Variants in RIMS2 observed in about 807,000 individuals in gnomAD.
RIMS2 encodes the protein regulating synaptic membrane exocytosis protein 2.
A neutral mutation model predicts 174.4 loss-of-function variants in RIMS2; 59 were observed. The observed-to-expected ratio is 0.34, with a 90% confidence interval of 0.27 to 0.42. The LOEUF is 0.42. Among genes scored for constraint, RIMS2 ranks in the 10% least tolerant of loss-of-function variants. RIMS2 has a pLI of 1.00. For missense variants in RIMS2, 1,620 were observed against 1,666.3 expected (o/e 0.97, Z 0.48); for synonymous variants, 606 against 572.5 (o/e 1.06, Z -0.84).
Position 103,980,619 on chromosome 8 carries a change from G to A in RIMS2, c.2927+5113G>A, listed in dbSNP as rs117614087. Among the ~76,000 whole-genome samples, 1,174 of 152,280 alleles carry A rather than the reference G, an allele frequency of 7.7e-3. 11 individuals carry two copies. Among genetic ancestry groups the A allele is most frequent in the Non-Finnish European group, 0.011 (769 of 68,026 alleles). On this transcript the variant is annotated intron_variant, in intron 16 of 23. Transcript: ENST00000504942. ...CACAGTGGGTTAGAGCAAAAAGCAG[G>A]CTCATGGAGTCCCTGAGTACAAGCT... is the stretch of plus-strand genomic sequence containing the variant.
intron 14 of RIMS2, among the ~76,000 whole-genome samples, chr8:103,952,375 G>A (rs1016684570): frequency 1.3e-5 from 2 of 152,152 alleles, no homozygotes; most frequent in Non-Finnish European, 2.9e-5. Context: ...GCTGGCATCT[G>A]GTGGGTGCCC....
intron 14 of RIMS2, among the ~76,000 whole-genome samples, chr8:103,944,112 T>C (rs2083172223): frequency 6.6e-6 from 1 of 152,110 alleles, no homozygotes; most frequent in Non-Finnish European, 1.5e-5. Flanking sequence ...ACCTCTCTAA[T>C]TACTGGAATT....
intron 1 of RIMS2, among the ~76,000 whole-genome samples, chr8:103,550,989 A>G (rs1402853721): frequency 6.6e-6 from 1 of 152,200 alleles, no homozygotes; most frequent in Non-Finnish European, 1.5e-5. Flanking sequence ...CCAGGACCAG[A>G]TGGATTCACA....
At chr8:103,645,783 C>T (rs902178411) in intron 1 of RIMS2, among the ~76,000 whole-genome samples, 1 of 152,018 alleles carries the variant, frequency 6.6e-6, no homozygotes, top group African/African-American at 2.4e-5. Flanking sequence ...AACCAGTACA[C>T]ACTAATAGGT....
At chr8:104,071,378 G>T (rs1419266640) in intron 19 of RIMS2, among the ~76,000 whole-genome samples, 1 of 152,120 alleles carries the variant, frequency 6.6e-6, no homozygotes, top group African/African-American at 2.4e-5. Context: ...AAATGCAATT[G>T]TCTGGGGCCC....
chr8:103,922,628 T>G, intron 10 of RIMS2: 1 of 400,550 alleles, frequency 2.5e-6, no homozygotes, highest in South Asian at 1.8e-5. Context: ...CCTTGAATTT[T>G]GGATTAAAAA....
chr8:103,886,840 T>C (rs2099205569), intron 4 of RIMS2, among the ~76,000 whole-genome samples: 1 of 151,930 alleles, frequency 6.6e-6, no homozygotes, highest in Non-Finnish European at 1.5e-5. Context: ...GCTACACTAA[T>C]ATTCTATCAT....
chr8:103,504,061 A>G (rs1436933259), intron 1 of RIMS2, among the ~76,000 whole-genome samples: 2 of 152,094 alleles, frequency 1.3e-5, no homozygotes, highest in African/African-American at 4.8e-5. Context: ...TCTCAGTAGA[A>G]CCCTAATCAG....
At chr8:103,956,098 A>C (rs1306511247) in intron 14 of RIMS2, among the ~76,000 whole-genome samples, 2 of 152,224 alleles carry the variant, frequency 1.3e-5, no homozygotes, top group African/African-American at 4.8e-5. Context: ...CAAGGAAGTA[A>C]GAGAGGACAC....
intron 16 of RIMS2, among the ~76,000 whole-genome samples, chr8:103,981,834 C>A (rs2093928787): frequency 6.6e-6 from 1 of 151,532 alleles, no homozygotes; most frequent in Admixed American, 6.6e-5. Context: ...ATGCAAAGAG[C>A]AAACAAAAGA....
chr8:103,969,368 T>C (rs191922826), intron 15 of RIMS2, among the ~76,000 whole-genome samples: 1 of 152,288 alleles, frequency 6.6e-6, no homozygotes, highest in East Asian at 1.9e-4. Flanking sequence ...TTCTTGGATG[T>C]TCTTTTCTGT....
At chr8:103,694,007 T>G (rs2097065750) in intron 1 of RIMS2, among the ~76,000 whole-genome samples, 2 of 152,074 alleles carry the variant, frequency 1.3e-5, no homozygotes, top group African/African-American at 4.8e-5. Context: ...GGCCCGAGTC[T>G]TTTAGGGTGG....
intron 19 of RIMS2, among the ~76,000 whole-genome samples, chr8:104,032,879 C>A (rs1371547394): frequency 1.3e-5 from 2 of 151,706 alleles, no homozygotes; most frequent in Non-Finnish European, 1.5e-5. Context: ...TGGCACTGAC[C>A]TATTAGAGTA....
chr8:104,239,197 A>G (rs539888628), intron 19 of RIMS2, among the ~76,000 whole-genome samples: 1 of 152,350 alleles, frequency 6.6e-6, no homozygotes, highest in Admixed American at 6.5e-5. Flanking sequence ...TTTGTTGTCA[A>G]GTAACCAAAA....
chr8:104,145,765 C>T (rs1056821899), intron 19 of RIMS2, among the ~76,000 whole-genome samples: 7 of 151,640 alleles, frequency 4.6e-5, no homozygotes, highest in African/African-American at 1.5e-4. Context: ...TGTGAGGCTG[C>T]GACAGGAGAA....
At chr8:103,737,393 G>A (rs1481431576) in intron 2 of RIMS2, among the ~76,000 whole-genome samples, 1 of 151,540 alleles carries the variant, frequency 6.6e-6, no homozygotes, top group East Asian at 1.9e-4. Context: ...CACCATGTTG[G>A]CCAGGCTTGT....
chr8:104,113,982 A>G (rs1181327041), intron 19 of RIMS2, among the ~76,000 whole-genome samples: 1 of 152,032 alleles, frequency 6.6e-6, no homozygotes, highest in Non-Finnish European at 1.5e-5. Flanking sequence ...CTGTCTTTTC[A>G]TAATCTATTT....
At chr8:104,030,873 T>G (rs2096376529) in intron 19 of RIMS2, among the ~76,000 whole-genome samples, 1 of 152,056 alleles carries the variant, frequency 6.6e-6, no homozygotes, top group Admixed American at 6.6e-5. Flanking sequence ...ATATTTTACT[T>G]ATCTTGTTTA....
At chr8:103,580,937 C>T (rs1167885806) in intron 1 of RIMS2, among the ~76,000 whole-genome samples, 1 of 148,598 alleles carries the variant, frequency 6.7e-6, no homozygotes, top group Non-Finnish European at 1.5e-5. Context: ...TCACGCCATT[C>T]TCCTGCCTCA....
Sources: gnomAD v4.1 joint callset for allele counts (sites outside exome capture counted in the v4.1 genomes callset) on GRCh38, gnomAD v4.1.1 for gene constraint, MANE v1.5 for transcripts, NCBI Gene and HGNC (gene_info 2026-07-23, HGNC 2026-07-21) for gene names.